CPNE4: variants seen among roughly 807,000 people sequenced by gnomAD.
CPNE4 encodes copine-4.
In CPNE4, 25 loss-of-function variants were observed where a neutral mutation model predicts 67.9. That is an observed-to-expected ratio of 0.37 (90% CI 0.27 to 0.51). The LOEUF (loss-of-function observed/expected upper bound fraction) is 0.51. Among genes scored for constraint, CPNE4 ranks in the 20% least tolerant of loss-of-function variants. The pLI is 0.93. For missense variants in CPNE4, 464 were observed against 690.8 expected, an observed-to-expected ratio of 0.67 and a Z score of 3.68; for synonymous variants, 242 against 244.9, an observed-to-expected ratio of 0.99 and a Z score of 0.11.
chr3:131,876,037 T>C (rs902906118), intron 2 of CPNE4, among the ~76,000 whole-genome samples: 5 of 152,092 alleles, frequency 3.3e-5, no homozygotes, highest in Non-Finnish European at 7.4e-5. Context: ...GAAGTTCCCA[T>C]ATTTACCAAT....
chr3:131,723,741 G>C, intron 2 of CPNE4, 116 bp from the exon 3 acceptor site: 5 of 895,122 alleles, frequency 5.6e-6, no homozygotes, highest in Non-Finnish European at 8.5e-6. Flanking sequence ...TCCCCAGCAA[G>C]TCATTGGGTG....
chr3:131,952,135 C>G (rs994902663), intron 1 of CPNE4, among the ~76,000 whole-genome samples: 6 of 150,278 alleles, frequency 4.0e-5, no homozygotes, highest in East Asian at 2.0e-4. Context: ...TCTTCCCGGC[C>G]GCCATCACAT....
chr3:132,023,798 T>C (rs1368154940), intron 1 of CPNE4, among the ~76,000 whole-genome samples: 2 of 152,132 alleles, frequency 1.3e-5, no homozygotes, highest in Non-Finnish European at 2.9e-5. Flanking sequence ...AGATCAGCCT[T>C]TTATTTAGCA....
At chr3:131,802,424 C>T (rs1296907173) in intron 2 of CPNE4, among the ~76,000 whole-genome samples, 3 of 152,256 alleles carry the variant, frequency 2.0e-5, no homozygotes, top group African/African-American at 7.2e-5. Context: ...GGGTATAGAA[C>T]AGTAGACTAT....
intron 10 of CPNE4, among the ~76,000 whole-genome samples, 199 bp from the exon 11 acceptor site, chr3:131,564,548 T>C (rs1254720824): frequency 6.6e-6 from 1 of 151,964 alleles, no homozygotes; most frequent in Non-Finnish European, 1.5e-5. Context: ...CAGTCTTCAG[T>C]CTCCCTTCCC....
intron 1 of CPNE4, among the ~76,000 whole-genome samples, chr3:131,959,674 G>A (rs1225072): frequency 0.71 from 107,722 of 152,070 alleles, 38,332 homozygotes; most frequent in Admixed American, 0.81. Context: ...GTAATTGCCC[G>A]TAACACTGAA....
chr3:131,979,259 C>A (rs576354032), intron 1 of CPNE4, among the ~76,000 whole-genome samples: 10 of 152,098 alleles, frequency 6.6e-5, no homozygotes, highest in Non-Finnish European at 1.5e-4. Context: ...GTCTTGATGA[C>A]ATGTCTAATG....
chr3:131,641,308 C>A (rs1479570178), intron 7 of CPNE4, among the ~76,000 whole-genome samples: 1 of 151,396 alleles, frequency 6.6e-6, no homozygotes, highest in Non-Finnish European at 1.5e-5. Context: ...AGTACTCAAA[C>A]AAATCAGCAA....
intron 7 of CPNE4, among the ~76,000 whole-genome samples, chr3:131,638,173 G>GAATA (rs1389050535): frequency 8.6e-5 from 13 of 151,854 alleles, no homozygotes. Context: ...ATGATGAATA[G>GAATA]AATAGTACCT....
intron 2 of CPNE4, among the ~76,000 whole-genome samples, chr3:131,772,589 A>T (rs1015395557): frequency 6.6e-6 from 1 of 152,164 alleles, no homozygotes; most frequent in African/African-American, 2.4e-5. Context: ...TAAATTACTG[A>T]TGTGAAGTCA....
intron 2 of CPNE4, among the ~76,000 whole-genome samples, chr3:131,872,295 T>A (rs540083647): frequency 2.0e-5 from 3 of 152,190 alleles, no homozygotes; most frequent in Admixed American, 2.0e-4. Context: ...TCACAAGATT[T>A]GCAAGGGTGA....
chr3:131,661,279 G>C (rs2080117759), intron 7 of CPNE4, among the ~76,000 whole-genome samples: 1 of 152,122 alleles, frequency 6.6e-6, no homozygotes, highest in Non-Finnish European at 1.5e-5. Flanking sequence ...AGAGACCCAG[G>C]TTTAAACTAA....
chr3:131,831,908 T>G (rs548485057), intron 2 of CPNE4, among the ~76,000 whole-genome samples: 1 of 152,208 alleles, frequency 6.6e-6, no homozygotes, highest in African/African-American at 2.4e-5. Flanking sequence ...ATAGTGCCGA[T>G]TTTGCTGATA....
At chr3:131,783,982 C>T (rs1335790967) in intron 2 of CPNE4, among the ~76,000 whole-genome samples, 1 of 152,092 alleles carries the variant, frequency 6.6e-6, no homozygotes, top group Non-Finnish European at 1.5e-5. Flanking sequence ...AAAGTTCTGA[C>T]ACCATAGGAA....
intron 1 of CPNE4, among the ~76,000 whole-genome samples, chr3:131,989,576 G>GAAAATTC (rs1253133136): frequency 7.4e-6 from 1 of 135,204 alleles, no homozygotes. Context: ...AAGAACCAAA[G>GAAAATTC]AAAATTCAAG....
intron 2 of CPNE4, among the ~76,000 whole-genome samples, chr3:131,814,533 T>C (rs1377157210): frequency 1.3e-5 from 2 of 150,142 alleles, no homozygotes; most frequent in Non-Finnish European, 1.5e-5. Flanking sequence ...TCTTTCTGTA[T>C]TGCTTATTTT....
intron 2 of CPNE4, among the ~76,000 whole-genome samples, chr3:131,859,804 T>C (rs1423023915): frequency 1.3e-5 from 2 of 152,182 alleles, no homozygotes; most frequent in Admixed American, 1.3e-4. Context: ...TTCTCAACTT[T>C]ATGCTAGAAA....
At chr3:131,539,774 T>C (rs1935371780) in intron 15 of CPNE4, among the ~76,000 whole-genome samples, 1 of 152,160 alleles carries the variant, frequency 6.6e-6, no homozygotes, top group Admixed American at 6.6e-5. Flanking sequence ...AGTGAACTCT[T>C]TGATCCTGCT....
chr3:131,759,839 A>G (rs1465699057), intron 2 of CPNE4, among the ~76,000 whole-genome samples: 3 of 152,204 alleles, frequency 2.0e-5, no homozygotes, highest in Non-Finnish European at 2.9e-5. Flanking sequence ...CCTCCCACAA[A>G]TGTGAATAAA....
Sources: gnomAD v4.1 joint callset for allele counts (sites outside exome capture counted in the v4.1 genomes callset) on GRCh38, gnomAD v4.1.1 for gene constraint, MANE v1.5 for transcripts, NCBI Gene and HGNC (gene_info 2026-07-23, HGNC 2026-07-21) for gene names.